Variants in KLC3 observed in about 807,000 individuals in gnomAD.
The protein encoded by KLC3 is kinesin light chain 3, also known as kinesin light chain 2.
In KLC3, 72 loss-of-function variants were observed where a neutral mutation model predicts 62.9. The ratio of observed to expected loss-of-function variants is 1.15; its 90% CI spans 0.95 to 1.39. KLC3 has a LOEUF of 1.39. KLC3 is among the 40% of genes most tolerant of loss of function. The pLI, the probability that KLC3 is intolerant of heterozygous loss-of-function variation, is 0.00. For synonymous variants in KLC3, 377 were observed against 300.5 expected (o/e 1.25, Z -2.63); for missense variants, 848 against 691.6 (o/e 1.23, Z -2.54).
In KLC3 at chr19:45,345,672, TGGCTG is replaced by T; in HGVS notation, c.135_139del (p.Gly46ProfsTer119). On this transcript the variant is annotated frameshift_variant, in exon 2 of 13. Coordinates refer to ENST00000391946, the MANE Select transcript of KLC3 (RefSeq NM_177417.3). LOFTEE classifies it high-confidence loss of function. ...GCGCTGCGGGCAGAGCACCATGGCC[TGGCTG>T]GGCACCTGGCGGAGGCCCTGGCGGG... is the stretch of plus-strand genomic sequence containing the variant. 6.3e-7 allele frequency: 1 copy of T among 1,580,314 alleles called. No individual in the cohort carries two copies. The highest frequency in any genetic ancestry group is 8.6e-7 in the Non-Finnish European group (1 of 1,164,518).
intron 5 of KLC3, 68 bp from the exon 6 acceptor site, chr19:45,348,578 C>T (rs895818528): frequency 1.2e-5 from 18 of 1,476,690 alleles, no homozygotes; most frequent in African/African-American, 8.4e-5. Flanking sequence ...AGGATTGGCC[C>T]AGCCCCTGTG....
At chr19:45,347,141 A>T (rs1599708656) in intron 3 of KLC3, 5 of 415,896 alleles carry the variant, frequency 1.2e-5, no homozygotes, top group Non-Finnish European at 1.7e-5. Context: ...TCCGGATTTC[A>T]AGACCAGCAT....
intron 12 of KLC3, 107 bp from the exon 13 acceptor site, chr19:45,351,179 G>T (rs1908030822): frequency 1.3e-6 from 2 of 1,586,136 alleles, no homozygotes; most frequent in African/African-American, 1.3e-5. Context: ...TTGGGGTAGA[G>T]GCGAGGGGGT....
chr19:45,346,838 C>CCCTCCTTAGAATCCCAAAGTCCCCAAGAT (rs1555773503), intron 3 of KLC3, 64 bp downstream of exon 3: 1 of 1,133,508 alleles, frequency 8.8e-7, no homozygotes, highest in Non-Finnish European at 1.2e-6. Context: ...GTCCCCCAGA[C>CCCTCCTTAGAATCCCAAAGTCCCCAAGAT]CCTCCTTAGA....
chr19:45,344,876 G>A (rs867906981), intron 1 of KLC3: 3 of 153,456 alleles, frequency 2.0e-5, no homozygotes, highest in Non-Finnish European at 2.9e-5. Context: ...GGAGGAGGGC[G>A]GAGCCCCTGT....
At chr19:45,349,228 G>GC (rs1971594190) in intron 7 of KLC3, among the ~76,000 whole-genome samples, 1 of 151,984 alleles carries the variant, frequency 6.6e-6, no homozygotes, top group Non-Finnish European at 1.5e-5. Flanking sequence ...CTCACCCTGT[G>GC]CCCCACGTTT....
intron 1 of KLC3, among the ~76,000 whole-genome samples, chr19:45,341,578 T>TGTATGTGCGCGCGCGCGC: frequency 7.2e-6 from 1 of 139,800 alleles, no homozygotes; most frequent in Non-Finnish European, 1.6e-5. Flanking sequence ...TGTGTGTGTG[T>TGTATGTGCGCGCGCGCGC]GCGCGCGCGC....
chr19:45,350,230 T>G lies in KLC3; in HGVS notation c.1144-111T>G, dbSNP rs1237578667. The G allele has an allele frequency of 4.4e-4, 337 of 770,944 alleles. 2 individuals are homozygous for G. Among genetic ancestry groups the G allele is most frequent in the Admixed American group, 9.5e-4 (37 of 38,968 alleles). 47.8% of individuals were successfully genotyped at this position (770,944 alleles called of 1,614,324 possible). A position where few individuals can be genotyped will look rare whatever the true frequency, so the allele number is the denominator to read the frequency against. ...TGAGGCTAGGAGTTCAAGACCAGCC[T>G]GGGCAACATACCAAGACCCCTGTCT... On this transcript the variant is annotated intron_variant, in intron 8 of 12. Coordinates refer to ENST00000391946, the MANE Select transcript of KLC3 (RefSeq NM_177417.3).
chr19:45,348,762 G>C (rs1452128459), intron 6 of KLC3, 29 bp downstream of exon 6: 2 of 1,563,486 alleles, frequency 1.3e-6, no homozygotes, highest in Non-Finnish European at 1.7e-6. Flanking sequence ...AGACGAAGTG[G>C]GGTCAAAGTG....
chr19:45,346,441 C>A, intron 2 of KLC3, 103 bp from the exon 3 acceptor site: 1 of 952,880 alleles, frequency 1.0e-6, no homozygotes, highest in Non-Finnish European at 1.5e-6. Flanking sequence ...GGGTGTCGTG[C>A]ATAGTAGTGG....
intron 1 of KLC3, among the ~76,000 whole-genome samples, chr19:45,344,334 C>T (rs1971446507): frequency 6.6e-6 from 1 of 151,306 alleles, no homozygotes; most frequent in African/African-American, 2.4e-5. Flanking sequence ...CTGCCTCAGC[C>T]TCCCAAGTAG....
chr19:45,350,448 T>G lies in KLC3; in HGVS notation c.1234+17T>G, dbSNP rs759024466. 1.2e-6 allele frequency: 2 copies of G among 1,613,260 alleles called. No homozygotes were observed. The highest frequency in any genetic ancestry group is 1.1e-5 in the South Asian group (1 of 91,032). The stretch of plus-strand genomic sequence containing the variant: ...CCCCTCTCGGTGAGCCCCTAGCCCC[T>G]GTCTGTCTTCCCTCCTGGTGGCTTC... On this transcript the variant is annotated intron_variant, in intron 9 of 12. Coordinates refer to ENST00000391946, the MANE Select transcript of KLC3 (RefSeq NM_177417.3).
At chr19:45,349,386 CA>C (rs1568525317) in intron 7 of KLC3, 42 bp from the exon 8 acceptor site, 1 of 1,557,264 alleles carries the variant, frequency 6.4e-7, no homozygotes, top group South Asian at 1.2e-5. Context: ...CGTGTCCCAC[CA>C]ATCCTGTATG....
chr19:45,349,697 G>C lies in KLC3; in HGVS notation c.1143+95G>C, dbSNP rs553660122. 210 of 649,758 alleles carry C rather than the reference G, an allele frequency of 3.2e-4. 2 individuals are homozygous for C. The East Asian group carries it at 6.3e-3, about 20-fold the overall frequency. The allele number at this position is 649,758 out of a possible 1,614,324, so 40.2% of individuals were successfully genotyped here. Reference sequence around the variant, plus strand: ...GATACAGGGTGAGCAACGTGAGGGTGGGGGGGGGCCCCCCAGGCCGGGCCC... The same window carrying C: ...GATACAGGGTGAGCAACGTGAGGGTCGGGGGGGGCCCCCCAGGCCGGGCCC... On this transcript the variant is annotated intron_variant, in intron 8 of 12. Coordinates refer to ENST00000391946, the MANE Select transcript of KLC3 (RefSeq NM_177417.3).
rs750506615 is a variant in KLC3, at chr19:45,348,004, G to A, written c.623G>A (p.Arg208Gln). Reference sequence around the variant, plus strand: ...GGCTATGAGATCCCTGCCCGCCTTCGGACCCTGCATAACCTCGTGATCCAG... The same window carrying A: ...GGCTATGAGATCCCTGCCCGCCTTCAGACCCTGCATAACCTCGTGATCCAG... Reference protein sequence around the residue: ...QGGYEIPARLRTLHNLVIQYA... With the variant: ...QGGYEIPARLQTLHNLVIQYA... Residue 208 changes from arginine to glutamine, a missense_variant, in exon 5 of 13, where the codon CGG (arginine) becomes CAG (glutamine). Arg to Gln is a conservative substitution (Grantham distance 43). Transcript: ENST00000391946. 6.3e-5 allele frequency: 102 copies of A among 1,608,992 alleles called. No homozygotes were observed. Among genetic ancestry groups the A allele is most frequent in the African/African-American group, 5.3e-5 (4 of 74,988 alleles).
intron 1 of KLC3, among the ~76,000 whole-genome samples, chr19:45,343,305 GT>G (rs1971427496): frequency 6.6e-6 from 1 of 152,044 alleles, no homozygotes; most frequent in African/African-American, 2.4e-5. Context: ...TAGTTTCTGC[GT>G]GGGTTGGCTT....
At chr19:45,342,356 C>T (rs1034761151) in intron 1 of KLC3, among the ~76,000 whole-genome samples, 2 of 151,904 alleles carry the variant, frequency 1.3e-5, no homozygotes, top group Non-Finnish European at 2.9e-5. Flanking sequence ...GAGGCTGAGG[C>T]GGCGGGGATT....
chr19:45,343,416 C>T (rs551792905), intron 1 of KLC3, among the ~76,000 whole-genome samples: 1 of 152,112 alleles, frequency 6.6e-6, no homozygotes, highest in African/African-American at 2.4e-5. Context: ...CTCACTGCAA[C>T]CTCCGCCTCT....
At chr19:45,350,280 G>T in intron 8 of KLC3, 61 bp from the exon 9 acceptor site, 2 of 1,281,064 alleles carry the variant, frequency 1.6e-6, no homozygotes, top group South Asian at 1.3e-5. Flanking sequence ...AAAAAGGCGG[G>T]ACTGGATGCA....
Sources: allele counts gnomAD v4.1 joint callset (sites outside exome capture counted in the v4.1 genomes callset), GRCh38; gene constraint gnomAD v4.1.1; transcripts MANE v1.5; gene names NCBI Gene and HGNC (gene_info 2026-07-23, HGNC 2026-07-21).